PI4KA: variants seen among roughly 807,000 people sequenced by gnomAD.
PI4KA encodes PI4-kinase alpha.
Under a neutral mutation model 271.4 loss-of-function variants are expected in PI4KA, and 122 were observed. The observed-to-expected ratio is 0.45, with a 90% CI of 0.39 to 0.52. The LOEUF is 0.52. Ranked by LOEUF, PI4KA falls within the 20% of genes least tolerant of loss-of-function variation. PI4KA has a pLI of 0.00. For missense variants in PI4KA, 1,969 were observed against 2,769.1 expected, an observed-to-expected ratio of 0.71 and a Z score of 6.48; for synonymous variants, 1,041 against 1,078.8, an observed-to-expected ratio of 0.96 and a Z score of 0.69.
chr22:20,746,697 C>T (rs1009859116), intron 29 of PI4KA, among the ~76,000 whole-genome samples: 1 of 152,244 alleles, frequency 6.6e-6, no homozygotes, highest in East Asian at 1.9e-4. Flanking sequence ...AGGCCCAGGG[C>T]GGGTGGCCCT....
chr22:20,824,138 A>G (rs1177352025), intron 4 of PI4KA, among the ~76,000 whole-genome samples, 188 bp downstream of exon 4: 3 of 152,008 alleles, frequency 2.0e-5, no homozygotes, highest in Non-Finnish European at 4.4e-5. Flanking sequence ...GTTTAATAAG[A>G]TAAGACTCGA....
chr22:20,858,034 C>A (rs1347615564), intron 1 of PI4KA, among the ~76,000 whole-genome samples: 1 of 152,214 alleles, frequency 6.6e-6, no homozygotes, highest in Non-Finnish European at 1.5e-5. Context: ...AATAACACTG[C>A]GCAGTTGGTT....
intron 19 of PI4KA, among the ~76,000 whole-genome samples, chr22:20,766,732 A>C (rs1384691809): frequency 2.0e-5 from 3 of 152,166 alleles, no homozygotes; most frequent in African/African-American, 4.8e-5. Flanking sequence ...CGGACCCCCC[A>C]GTGGATGTTG....
chr22:20,814,384 G>C (rs1343070157), intron 7 of PI4KA, among the ~76,000 whole-genome samples: 1 of 152,148 alleles, frequency 6.6e-6, no homozygotes, highest in Non-Finnish European at 1.5e-5. Flanking sequence ...GATGAAAAGA[G>C]TTTTTGAGAT....
chr22:20,790,606 A>C (rs943517194), intron 19 of PI4KA, among the ~76,000 whole-genome samples: 11 of 151,998 alleles, frequency 7.2e-5, no homozygotes, highest in Non-Finnish European at 1.5e-4. Context: ...AGTTGCAGTG[A>C]GCCAAAATCA....
Position 20,819,824 on chromosome 22 carries a change from C to T in PI4KA, c.606G>A (p.Glu202=). 1.2e-6 allele frequency: 2 copies of T among 1,614,054 alleles called. No homozygotes were observed. Among genetic ancestry groups the T allele is most frequent in the Non-Finnish European group, 1.7e-6 (2 of 1,179,886 alleles). ...RAFGRYSNME[E]SLLSKLFPKI... ...TGGGAAAGAGCTTTGAGAGGAGAGA[C>T]TCTTCCATGTTGCTGTAACGCCCAA... Residue 202 remains glutamate, a synonymous_variant, in exon 6 of 55, where the codon GAG becomes GAA. Transcript: ENST00000255882.
At chr22:20,821,022 G>A (rs557255868) in intron 4 of PI4KA, among the ~76,000 whole-genome samples, 20 of 152,186 alleles carry the variant, frequency 1.3e-4, no homozygotes, top group Admixed American at 1.0e-3. Flanking sequence ...CTGATTTTAC[G>A]GTAGTCCAGT....
intron 12 of PI4KA, among the ~76,000 whole-genome samples, chr22:20,803,793 C>T (rs178044): frequency 0.52 from 79,227 of 152,066 alleles, 20,800 homozygotes; most frequent in African/African-American, 0.59. Flanking sequence ...ATCGGGATTA[C>T]AGGAGTGAGC....
chr22:20,802,589 G>A (rs1935392817), intron 13 of PI4KA, among the ~76,000 whole-genome samples: 1 of 152,190 alleles, frequency 6.6e-6, no homozygotes, highest in Non-Finnish European at 1.5e-5. Flanking sequence ...AGGCCGGAAT[G>A]CAGTGGCGCT....
chr22:20,848,760 T>C (rs1926593278), intron 1 of PI4KA, among the ~76,000 whole-genome samples: 1 of 151,936 alleles, frequency 6.6e-6, no homozygotes, highest in African/African-American at 2.4e-5. Flanking sequence ...TAAGTCTTTG[T>C]GACCTTGAAA....
intron 1 of PI4KA, among the ~76,000 whole-genome samples, chr22:20,857,758 G>A (rs1379242391): frequency 1.3e-5 from 2 of 152,132 alleles, no homozygotes; most frequent in African/African-American, 2.4e-5. Context: ...TTACCCAAGA[G>A]GACATGGTAA....
At chr22:20,800,393 C>T (rs1935226996) in intron 14 of PI4KA, among the ~76,000 whole-genome samples, 1 of 152,140 alleles carries the variant, frequency 6.6e-6, no homozygotes, top group African/African-American at 2.4e-5. Flanking sequence ...CAAGAGTCCA[C>T]AGTGCAGGAG....
intron 9 of PI4KA, among the ~76,000 whole-genome samples, chr22:20,807,694 G>A (rs917377268): frequency 6.6e-6 from 1 of 152,154 alleles, no homozygotes; most frequent in East Asian, 1.9e-4. Flanking sequence ...GCAGCCATCT[G>A]CACCCTAGTA....
chr22:20,794,425 CGCGGGACACACTTCTCTCCTGT>C (rs1177665120), intron 18 of PI4KA, among the ~76,000 whole-genome samples: 3 of 152,186 alleles, frequency 2.0e-5, no homozygotes, highest in Admixed American at 2.0e-4. Flanking sequence ...CCGCTAGACA[CGCGGGACACACTTCTCTCCTGT>C]GCACTGAGGT....
chr22:20,771,659 G>A (rs1932880544), intron 19 of PI4KA, among the ~76,000 whole-genome samples: 1 of 151,740 alleles, frequency 6.6e-6, no homozygotes, highest in African/African-American at 2.4e-5. Flanking sequence ...TCGGCTCACT[G>A]CAACCTTCAC....
intron 22 of PI4KA, 111 bp downstream of exon 22, chr22:20,764,706 T>G: frequency 8.3e-7 from 1 of 1,203,208 alleles, no homozygotes; most frequent in Non-Finnish European, 1.1e-6. Context: ...TTTCAGAAAG[T>G]TTGCATGTCT....
Position 20,728,193 on chromosome 22 carries a change from G to GT in PI4KA, c.4683-330dup, listed in dbSNP as rs553306818. Among the ~76,000 whole-genome samples, 171 of 152,224 alleles carry GT rather than the reference G, an allele frequency of 1.1e-3. 1 individual carries two copies. Among genetic ancestry groups the GT allele is most frequent in the South Asian group, 5.6e-3 (27 of 4,822 alleles). On this transcript the variant is annotated intron_variant, in intron 39 of 54. Transcript: ENST00000255882. ...TGTGCTTATTTCACGTTGCATGCCT[G>GT]TATCAAAACATCTCATGCACCTCAT...
At chr22:20,842,306 C>T (rs1241630637) in intron 1 of PI4KA, among the ~76,000 whole-genome samples, 2 of 152,134 alleles carry the variant, frequency 1.3e-5, no homozygotes, top group African/African-American at 4.8e-5. Flanking sequence ...ATACACAGCC[C>T]TGCCATCACC....
chr22:20,802,301 G>A (rs1222794509), intron 13 of PI4KA, among the ~76,000 whole-genome samples, 196 bp from the exon 14 acceptor site: 1 of 152,170 alleles, frequency 6.6e-6, no homozygotes, highest in African/African-American at 2.4e-5. Flanking sequence ...TCAAAAGGAA[G>A]AATATTCAAG....
Sources: allele counts gnomAD v4.1 joint callset (sites outside exome capture counted in the v4.1 genomes callset), GRCh38; gene constraint gnomAD v4.1.1; transcripts MANE v1.5; gene names NCBI Gene and HGNC (gene_info 2026-07-23, HGNC 2026-07-21).